BMERB1: variants seen among roughly 807,000 people sequenced by gnomAD.
The protein encoded by BMERB1 is bMERB domain containing 1.
BMERB1 carries 12 observed loss-of-function variants against 23.6 expected under a neutral mutation model. That is an observed-to-expected ratio of 0.51 (90% CI 0.33 to 0.82). The LOEUF (loss-of-function observed/expected upper bound fraction) is 0.82, where lower values mean the gene tolerates loss of function less well. Among genes scored for constraint, BMERB1 ranks in the 40% least tolerant of loss-of-function variants. The probability of loss-of-function intolerance (pLI) is 0.03; values close to 1 mark genes in which losing one functional copy is unlikely to be tolerated. For synonymous variants in BMERB1, 122 were observed against 96.6 expected, an observed-to-expected ratio of 1.26 and a Z score of -1.54; for missense variants, 247 against 255.4, an observed-to-expected ratio of 0.97 and a Z score of 0.22.
chr16:15,464,070 T>G (rs1241405794), intron 1 of BMERB1, among the ~76,000 whole-genome samples: 1 of 152,054 alleles, frequency 6.6e-6, no homozygotes, highest in Non-Finnish European at 1.5e-5. Context: ...CTCAGCAGTT[T>G]GGGAGGCCGA....
intron 1 of BMERB1, among the ~76,000 whole-genome samples, chr16:15,443,721 C>T (rs571729559): frequency 1.3e-5 from 2 of 151,956 alleles, no homozygotes; most frequent in Non-Finnish European, 2.9e-5. Context: ...AGTTCGAGAC[C>T]AGCCTGGCCA....
chr16:15,496,042 G>C (rs1317305398), intron 1 of BMERB1, among the ~76,000 whole-genome samples: 2 of 151,778 alleles, frequency 1.3e-5, no homozygotes, highest in Non-Finnish European at 2.9e-5. Context: ...GAAAGGGGTG[G>C]TAATGATGGT....
chr16:15,465,265 C>T (rs144618866), intron 1 of BMERB1, among the ~76,000 whole-genome samples: 62 of 152,126 alleles, frequency 4.1e-4, no homozygotes, highest in African/African-American at 1.4e-3. Flanking sequence ...CAGCAATTCT[C>T]TCCAAATAAA....
At chr16:15,453,495 T>C (rs1167326413) in intron 1 of BMERB1, among the ~76,000 whole-genome samples, 1 of 152,120 alleles carries the variant, frequency 6.6e-6, no homozygotes, top group Non-Finnish European at 1.5e-5. Flanking sequence ...GGCAGGAGGA[T>C]CACTTGACTC....
chr16:15,517,852 TGTGTGTGTGTGGATGTGTGTGG>T (rs1191426248), intron 2 of BMERB1, among the ~76,000 whole-genome samples: 3 of 84,112 alleles, frequency 3.6e-5, no homozygotes, highest in Admixed American at 1.9e-4. Context: ...GTATTGTGGA[TGTGTGTGTGTGGATGTGTGTGG>T]GTGTGTGGAT....
At chr16:15,488,733 C>CCGGGTCCCAGGT (rs2051389005) in intron 1 of BMERB1, among the ~76,000 whole-genome samples, 2 of 150,120 alleles carry the variant, frequency 1.3e-5, no homozygotes, top group African/African-American at 2.4e-5. Flanking sequence ...GTCCCAGGTA[C>CCGGGTCCCAGGT]CCCGGAGGCT....
intron 1 of BMERB1, among the ~76,000 whole-genome samples, chr16:15,477,933 A>G (rs954839023): frequency 1.3e-5 from 2 of 152,098 alleles, no homozygotes; most frequent in African/African-American, 4.8e-5. Context: ...TATCAGTTGT[A>G]AGAGAGAGGA....
intron 2 of BMERB1, among the ~76,000 whole-genome samples, chr16:15,564,224 A>T (rs1167839938): frequency 6.6e-6 from 1 of 152,238 alleles, no homozygotes; most frequent in Non-Finnish European, 1.5e-5. Flanking sequence ...TGTTGGGGGA[A>T]ATGTCCATAG....
intron 2 of BMERB1, among the ~76,000 whole-genome samples, chr16:15,527,720 A>G (rs2051923729): frequency 6.6e-6 from 1 of 152,144 alleles, no homozygotes; most frequent in African/African-American, 2.4e-5. Context: ...AGTATCTGAT[A>G]TCTCCACTTA....
intron 3 of BMERB1, among the ~76,000 whole-genome samples, chr16:15,577,605 C>T (rs971538852): frequency 2.0e-5 from 3 of 152,196 alleles, no homozygotes; most frequent in Non-Finnish European, 4.4e-5. Context: ...TCCAAGTGCA[C>T]CGCTTGACCT....
At chr16:15,479,209 G>A (rs546851673) in intron 1 of BMERB1, among the ~76,000 whole-genome samples, 1 of 152,180 alleles carries the variant, frequency 6.6e-6, no homozygotes, top group South Asian at 2.1e-4. Context: ...CCATGGGCTT[G>A]ATGGTTTCCA....
intron 2 of BMERB1, among the ~76,000 whole-genome samples, chr16:15,548,721 A>G (rs1450659118): frequency 6.6e-6 from 1 of 152,210 alleles, no homozygotes; most frequent in Non-Finnish European, 1.5e-5. Flanking sequence ...GCTTGCCTAC[A>G]AAGGAGACCA....
chr16:15,445,315 A>C (rs1304262315), intron 1 of BMERB1, among the ~76,000 whole-genome samples: 2 of 151,106 alleles, frequency 1.3e-5, no homozygotes, highest in African/African-American at 2.5e-5. Context: ...AGGTCAGTAC[A>C]TGATACATGT....
At chr16:15,471,395 T>A (rs1338947080) in intron 1 of BMERB1, among the ~76,000 whole-genome samples, 1 of 152,234 alleles carries the variant, frequency 6.6e-6, no homozygotes, top group Non-Finnish European at 1.5e-5. Context: ...TTTTCCTTAA[T>A]GGTTTTAGAA....
intron 2 of BMERB1, among the ~76,000 whole-genome samples, chr16:15,546,272 A>G: frequency 6.6e-6 from 1 of 152,220 alleles, no homozygotes; most frequent in East Asian, 1.9e-4. Context: ...TACATGACAG[A>G]GCAAGACCCT....
chr16:15,470,546 A>G (rs1260447762), intron 1 of BMERB1, among the ~76,000 whole-genome samples: 1 of 142,290 alleles, frequency 7.0e-6, no homozygotes, highest in Non-Finnish European at 1.5e-5. Flanking sequence ...TTTTTTTTTT[A>G]GACAGAGTCT....
chr16:15,444,862 A>G (rs7188527), intron 1 of BMERB1, among the ~76,000 whole-genome samples: 148,811 of 152,302 alleles, frequency 0.98, 72,800 homozygotes, highest in Middle Eastern at 1. Flanking sequence ...TGTTCTCAAT[A>G]ATAACCATGA....
intron 1 of BMERB1, among the ~76,000 whole-genome samples, chr16:15,497,438 A>G (rs1293785015): frequency 6.6e-6 from 1 of 152,214 alleles, no homozygotes; most frequent in Non-Finnish European, 1.5e-5. Context: ...GAAGGAACTC[A>G]GATAAAACAA....
At chr16:15,496,578 A>G (rs953437780) in intron 1 of BMERB1, among the ~76,000 whole-genome samples, 1 of 150,920 alleles carries the variant, frequency 6.6e-6, no homozygotes, top group Admixed American at 6.6e-5. Flanking sequence ...TTGCTCTGTC[A>G]CCCAGCCTGG....
Sources: gnomAD v4.1 joint callset for allele counts (sites outside exome capture counted in the v4.1 genomes callset) on GRCh38, gnomAD v4.1.1 for gene constraint, MANE v1.5 for transcripts, NCBI Gene and HGNC (gene_info 2026-07-23, HGNC 2026-07-21) for gene names.